GNA14: variants seen among roughly 807,000 people sequenced by gnomAD.
The protein encoded by GNA14 is guanine nucleotide-binding protein subunit alpha-14.
In GNA14, 50 loss-of-function variants were observed where a neutral mutation model predicts 42.0. That is an observed-to-expected ratio of 1.19 (90% CI 0.95 to 1.51). GNA14 has a LOEUF of 1.51. Among genes scored for constraint, GNA14 ranks in the 40% most tolerant of loss-of-function variants. The pLI is 0.00. For missense variants in GNA14, 473 were observed against 446.2 expected (o/e 1.06, Z -0.54); for synonymous variants, 173 against 163.1 (o/e 1.06, Z -0.46).
chr9:77,502,741 G>A (rs577277521), intron 2 of GNA14, among the ~76,000 whole-genome samples: 3 of 152,200 alleles, frequency 2.0e-5, no homozygotes, highest in Non-Finnish European at 2.9e-5. Context: ...GCCCAAGAAG[G>A]GGGGTTGGGT....
intron 2 of GNA14, among the ~76,000 whole-genome samples, chr9:77,450,910 G>C (rs1455724841): frequency 6.6e-6 from 1 of 152,032 alleles, no homozygotes; most frequent in Non-Finnish European, 1.5e-5. Flanking sequence ...TGCACACACT[G>C]TCTTGCCTGC....
At chr9:77,473,611 AT>A (rs200957339) in intron 2 of GNA14, among the ~76,000 whole-genome samples, 6,762 of 132,498 alleles carry the variant, frequency 0.051, 211 homozygotes, top group African/African-American at 0.11. Context: ...TTTCACCTGG[AT>A]TTTTTTTTTT....
chr9:77,539,637 T>C (rs528694533), intron 1 of GNA14, among the ~76,000 whole-genome samples: 6 of 152,286 alleles, frequency 3.9e-5, no homozygotes, highest in Admixed American at 1.3e-4. Flanking sequence ...CATTTGGTCC[T>C]GCTTTTTCTT....
rs371039547 is a variant in GNA14 at position 77,427,630 on chromosome 9, C to T, written c.723+1277G>A. ...GACGAGGAGGACATGAGTGTTCCAC[C>T]GATACTGTCCCCAACCTGACAGAGA... On this transcript the variant is annotated intron_variant, in intron 5 of 6. Transcript: ENST00000341700. Among the ~76,000 whole-genome samples the T allele has an allele frequency of 4.6e-5, 7 of 152,342 alleles. No individual in the cohort carries two copies. The East Asian group carries it at 7.7e-4, about 17-fold the overall frequency.
chr9:77,512,215 A>G (rs963942530), intron 2 of GNA14, among the ~76,000 whole-genome samples: 7 of 152,236 alleles, frequency 4.6e-5, no homozygotes, highest in Admixed American at 2.0e-4. Context: ...AAAATCTGTA[A>G]TAACATAAAT....
chr9:77,597,755 A>T (rs1424484847), intron 1 of GNA14, among the ~76,000 whole-genome samples: 1 of 152,026 alleles, frequency 6.6e-6, no homozygotes, highest in African/African-American at 2.4e-5. Flanking sequence ...TTCTCCAGTA[A>T]AATTTTCTAT....
At chr9:77,599,217 T>C (rs979941852) in intron 1 of GNA14, among the ~76,000 whole-genome samples, 5 of 152,206 alleles carry the variant, frequency 3.3e-5, no homozygotes, top group Non-Finnish European at 7.3e-5. Context: ...CTCTAGACGA[T>C]GATGACAACA....
chr9:77,584,181 G>C (rs1823266822), intron 1 of GNA14, among the ~76,000 whole-genome samples: 1 of 152,134 alleles, frequency 6.6e-6, no homozygotes, highest in African/African-American at 2.4e-5. Flanking sequence ...ACTGCGAAAG[G>C]TAACATTAAG....
chr9:77,515,971 A>AAAAACAAAAAAAC (rs1837250463), intron 2 of GNA14, among the ~76,000 whole-genome samples: 4 of 147,316 alleles, frequency 2.7e-5, no homozygotes, highest in Admixed American at 1.4e-4. Context: ...AAAAAAAAAA[A>AAAAACAAAAAAAC]AAAAAAAAAA....
intron 2 of GNA14, among the ~76,000 whole-genome samples, chr9:77,493,008 A>AAAAAAAAAAC (rs1836805632): frequency 1.2e-5 from 1 of 83,092 alleles, no homozygotes; most frequent in African/African-American, 5.6e-5. Context: ...CTCAGGAAAA[A>AAAAAAAAAAC]AAAAAAAAAA....
intron 2 of GNA14, among the ~76,000 whole-genome samples, chr9:77,505,401 A>G (rs1837051829): frequency 6.6e-6 from 1 of 152,182 alleles, no homozygotes; most frequent in African/African-American, 2.4e-5. Flanking sequence ...TACACTTTGC[A>G]CAGTGCTCCA....
intron 1 of GNA14, among the ~76,000 whole-genome samples, chr9:77,558,854 T>A (rs141751266): frequency 4.0e-5 from 6 of 151,450 alleles, no homozygotes; most frequent in Admixed American, 1.3e-4. Flanking sequence ...AGAAGCAATT[T>A]CGAAACACCT....
At chr9:77,526,353 G>A (rs1353405625) in intron 2 of GNA14, 1 of 152,108 alleles carries the variant, frequency 6.6e-6, no homozygotes, top group Non-Finnish European at 1.5e-5. Context: ...GGAGCCAGAG[G>A]GGTTGAATTG....
intron 1 of GNA14, among the ~76,000 whole-genome samples, chr9:77,530,808 C>G (rs1448795242): frequency 6.6e-6 from 1 of 152,212 alleles, no homozygotes; most frequent in Non-Finnish European, 1.5e-5. Flanking sequence ...AGTGTCCTCA[C>G]ACACAGTCTC....
chr9:77,559,419 T>C (rs1040801105), intron 1 of GNA14, among the ~76,000 whole-genome samples: 2 of 152,032 alleles, frequency 1.3e-5, no homozygotes, highest in African/African-American at 4.8e-5. Flanking sequence ...GGACGGGGCA[T>C]CCCTTCTGGG....
At chr9:77,524,190 A>G (rs1358416157) in intron 2 of GNA14, among the ~76,000 whole-genome samples, 1 of 152,256 alleles carries the variant, frequency 6.6e-6, no homozygotes, top group Non-Finnish European at 1.5e-5. Flanking sequence ...TTTTAATAAA[A>G]TAAGCAGGCA....
chr9:77,598,177 C>G (rs905476576), intron 1 of GNA14, among the ~76,000 whole-genome samples: 5 of 152,140 alleles, frequency 3.3e-5, no homozygotes, highest in Non-Finnish European at 5.9e-5. Context: ...AGTTATGGGG[C>G]TGGGCAAAGA....
At chr9:77,608,569 T>C (rs952880249) in intron 1 of GNA14, among the ~76,000 whole-genome samples, 7 of 152,082 alleles carry the variant, frequency 4.6e-5, no homozygotes, top group African/African-American at 1.4e-4. Context: ...TTGAAACAGA[T>C]GAGGAACCAG....
At chr9:77,506,274 C>T (rs1257501770) in intron 2 of GNA14, among the ~76,000 whole-genome samples, 1 of 148,198 alleles carries the variant, frequency 6.7e-6, no homozygotes, top group African/African-American at 2.5e-5. Flanking sequence ...AGAGTGAGAC[C>T]CTGTCTCTTA....
Sources: gnomAD v4.1 joint callset for allele counts (sites outside exome capture counted in the v4.1 genomes callset) on GRCh38, gnomAD v4.1.1 for gene constraint, MANE v1.5 for transcripts, NCBI Gene and HGNC (gene_info 2026-07-23, HGNC 2026-07-21) for gene names.